The following CACNA1B variants were observed in gnomAD, a reference collection of about 807,000 sequenced individuals.
The protein encoded by CACNA1B is voltage-dependent N-type calcium channel subunit alpha-1B.
CACNA1B carries 70 observed loss-of-function variants against 247.2 expected under a neutral mutation model. The observed-to-expected ratio is 0.28, with a 90% CI of 0.23 to 0.35. The LOEUF (loss-of-function observed/expected upper bound fraction) is 0.35. Ranked by LOEUF, CACNA1B falls within the 10% of genes least tolerant of loss-of-function variation. The pLI is 1.00. For synonymous variants in CACNA1B, 1,231 were observed against 1,294.4 expected (o/e 0.95, Z 1.05); for missense variants, 2,367 against 3,197.4 (o/e 0.74, Z 6.26).
chr9:138,048,498 G>A (rs1347813164), intron 23 of CACNA1B, among the ~76,000 whole-genome samples: 1 of 152,206 alleles, frequency 6.6e-6, no homozygotes, highest in East Asian at 1.9e-4. Flanking sequence ...ATGGCATTGA[G>A]GTCCAAAGGC....
At chr9:137,981,074 A>G (rs977478484) in intron 12 of CACNA1B, among the ~76,000 whole-genome samples, 2 of 152,072 alleles carry the variant, frequency 1.3e-5, no homozygotes, top group African/African-American at 4.8e-5. Flanking sequence ...GAAATCTGCA[A>G]ACTGTTTTCC....
At position 138,074,156 on chromosome 9, in the gene CACNA1B, A is replaced by G. The variant is rs1278467945; in HGVS notation, c.4857+90A>G. 4.1e-5 allele frequency: 38 copies of G among 928,658 alleles called. No homozygotes were observed. The South Asian group carries it at 4.7e-4, about 11-fold the overall frequency. 57.5% of individuals were successfully genotyped at this position (928,658 alleles called of 1,614,324 possible). A position where few individuals can be genotyped will look rare whatever the true frequency, so the allele number is the denominator to read the frequency against. ...TGATCATGATTGTCAAATCATCGTC[A>G]TAATCAGTTGATCCTTAGTGAACAT... On this transcript the variant is annotated intron_variant, in intron 34 of 46. Transcript: ENST00000371372.
chr9:138,071,350 C>T (rs1960126188), intron 32 of CACNA1B, among the ~76,000 whole-genome samples: 1 of 152,224 alleles, frequency 6.6e-6, no homozygotes. Flanking sequence ...GCCATGGACT[C>T]AGTGAGGTTG....
chr9:137,879,258 C>T, intron 2 of CACNA1B, 99 bp downstream of exon 2: 4 of 772,412 alleles, frequency 5.2e-6, no homozygotes, highest in South Asian at 4.8e-5. Flanking sequence ...CGGGCAGGGT[C>T]GTCTGGGCAG....
intron 20 of CACNA1B, among the ~76,000 whole-genome samples, chr9:138,033,945 A>G (rs963991756): frequency 9.9e-5 from 15 of 152,276 alleles, no homozygotes; most frequent in Middle Eastern, 3.4e-3. Context: ...GAGTTGCCCC[A>G]TTATTGACAG....
rs1368938866 is a variant in CACNA1B at position 138,118,531 on chromosome 9, T to G, written c.5914-121T>G. On this transcript the variant is annotated intron_variant, in intron 43 of 46. Coordinates refer to ENST00000371372, the MANE Select transcript of CACNA1B (RefSeq NM_000718.4). ...GGGGACGTGTGAACAGCAGTGGGAGTTAGGTGAGACTGAGATGGATTTGGG... is the reference window on the plus strand; with the variant it reads ...GGGGACGTGTGAACAGCAGTGGGAGGTAGGTGAGACTGAGATGGATTTGGG... The G allele has an allele frequency of 3.9e-5, 23 of 595,358 alleles. 1 individual carries two copies. The highest frequency in any genetic ancestry group is 3.0e-5 in the East Asian group (1 of 33,348). 36.9% of individuals were successfully genotyped at this position (595,358 alleles called of 1,614,324 possible).
chr9:138,068,727 C>A lies in CACNA1B; in HGVS notation c.4669-1031C>A, dbSNP rs1186953445. ...GTGTGTGCCTCCTTTCCAAGAGGGG[C>A]GGGAACTGCTGACTGCTGAGAGGGC... On this transcript the variant is annotated intron_variant, in intron 31 of 46. Coordinates refer to ENST00000371372, the MANE Select transcript of CACNA1B (RefSeq NM_000718.4). 6.4e-6 allele frequency: 3 copies of A among 471,214 alleles called. No homozygotes were observed. In the Admixed American group the frequency reaches 6.7e-5, roughly 11 times the overall value. The allele number at this position is 471,214 out of a possible 1,614,324, so 29.2% of individuals were successfully genotyped here.
In CACNA1B at chr9:138,052,112, T is replaced by A; in HGVS notation, c.3731T>A (p.Ile1244Asn). 6.2e-7 allele frequency: 1 copy of A among 1,609,154 alleles called. No homozygotes were observed. ...TCTAGAGGATCCAAAGGGAAAGACA[T>A]CAATACCATCAAGTCTCTGAGAGTC... is the stretch of plus-strand genomic sequence containing the variant. ...FAFSGSKGKD[I>N]NTIKSLRVLR... The change falls in exon 25 of 47, where the codon ATC becomes AAC. Residue 1244 changes from isoleucine to asparagine, a missense_variant. Physicochemically the swap from Ile to Asn is moderately radical, Grantham distance 149 (BLOSUM62 -3). This residue lies in a region of CACNA1B where 436 missense variants were observed against 679.5 expected (regional missense o/e 0.64). Transcript: ENST00000371372. The surrounding 1 kb of genome is among the most constrained non-coding windows in gnomAD (Gnocchi z 5.1).
In CACNA1B at chr9:138,011,999, G is replaced by A. The variant is rs960993673; in HGVS notation, c.2161-1130G>A. On this transcript the variant is annotated intron_variant, in intron 17 of 46. Coordinates refer to ENST00000371372, the MANE Select transcript of CACNA1B (RefSeq NM_000718.4). The surrounding 1 kb of genome is among the most constrained non-coding windows in gnomAD (Gnocchi z 4.2). ...GGTCTCAGCCGAGAACTATTGATCCGGAACCCAGGTGCCGAGCATGTTGGT... is the reference window on the plus strand; with the variant it reads ...GGTCTCAGCCGAGAACTATTGATCCAGAACCCAGGTGCCGAGCATGTTGGT... Among the ~76,000 whole-genome samples the A allele has an allele frequency of 8.5e-5, 13 of 152,190 alleles. No individual in the cohort carries two copies. The highest frequency in any genetic ancestry group is 3.9e-4 in the Admixed American group (6 of 15,280).
rs568689511 is a variant in CACNA1B, at chr9:138,028,288, G to C, written c.3286+3116G>C. Among the ~76,000 whole-genome samples the C allele has an allele frequency of 3.3e-4, 50 of 152,212 alleles. 1 individual carries two copies. Among genetic ancestry groups the C allele is most frequent in the African/African-American group, 1.1e-3 (47 of 41,532 alleles). ...TCCACCTGTCTTGGCCTCCCGAAGT[G>C]CTGGGATTACAGGCGTGAGCCACCG... On this transcript the variant is annotated intron_variant, in intron 20 of 46. Coordinates refer to ENST00000371372, the MANE Select transcript of CACNA1B (RefSeq NM_000718.4).
intron 35 of CACNA1B, 91 bp from the exon 36 acceptor site, chr9:138,078,023 G>A (rs752821858): frequency 6.7e-5 from 78 of 1,160,908 alleles, no homozygotes; most frequent in Non-Finnish European, 9.2e-5. Context: ...GTGGGAAGGA[G>A]CCCAAAGGAG....
Position 137,957,619 on chromosome 9 carries a change from A to G in CACNA1B, c.1265A>G (p.Lys422Arg). 6.2e-7 allele frequency: 1 copy of G among 1,600,306 alleles called. No individual in the cohort carries two copies. Among genetic ancestry groups the G allele is most frequent in the Non-Finnish European group, 8.5e-7 (1 of 1,173,866 alleles). Residue 422 changes from lysine to arginine, a missense_variant, in exon 10 of 47, where the codon AAG becomes AGG. Around this residue, in one of 12 missense-constraint regions of CACNA1B, gnomAD observed 219 missense variants for 297.6 expected, o/e 0.74. Coordinates refer to ENST00000371372, the MANE Select transcript of CACNA1B (RefSeq NM_000718.4). The surrounding 1 kb of genome is among the most constrained non-coding windows in gnomAD (Gnocchi z 4.7). ...GCAGTGCTGAAGAGAGCGGCCACCA[A>G]GAAGAGCAGAAATGACCTGATCCAC... ...PLDVLKRAAT[K>R]KSRNDLIHAE...
Position 138,022,145 on chromosome 9 carries a change from C to T in CACNA1B, c.2268-866C>T, listed in dbSNP as rs531678981. 6.0e-4 allele frequency among the ~76,000 whole-genome samples: 91 copies of T among 152,292 alleles called. 1 individual carries two copies. Among genetic ancestry groups the T allele is most frequent in the African/African-American group, 1.8e-3 (74 of 41,566 alleles). ...CTTCGGTAGCCCATGCAGTGAGGGC[C>T]GAGCCTGGACCACTGGCCATCCCTG... On this transcript the variant is annotated intron_variant, in intron 18 of 46. Coordinates refer to ENST00000371372, the MANE Select transcript of CACNA1B (RefSeq NM_000718.4).
chr9:137,934,401 AT>A (rs1463690037), intron 6 of CACNA1B, among the ~76,000 whole-genome samples: 1 of 152,186 alleles, frequency 6.6e-6, no homozygotes, highest in Non-Finnish European at 1.5e-5. Context: ...CTGATTTCTC[AT>A]TTTGGAGATC....
intron 10 of CACNA1B, among the ~76,000 whole-genome samples, chr9:137,969,591 C>A (rs1958121168): frequency 6.6e-6 from 1 of 152,168 alleles, no homozygotes; most frequent in Admixed American, 6.5e-5. Flanking sequence ...TTACATGAGT[C>A]ACGTGTTCTC....
chr9:138,042,192 G>A (rs1393290315), intron 20 of CACNA1B, among the ~76,000 whole-genome samples: 1 of 152,228 alleles, frequency 6.6e-6, no homozygotes, highest in Admixed American at 6.5e-5. Flanking sequence ...ACACACGCCT[G>A]TAAGCCCAGC....
chr9:137,955,797 G>A lies in CACNA1B; in HGVS notation c.1170G>A (p.Glu390=). 6.2e-7 allele frequency: 1 copy of A among 1,608,946 alleles called. No homozygotes were observed. The highest frequency in any genetic ancestry group is 1.1e-5 in the South Asian group (1 of 90,198). Residue 390 remains glutamate (E), a synonymous_variant, in exon 8 of 47, where the codon GAG becomes GAA. Transcript: ENST00000371372. The surrounding 1 kb of genome is among the most constrained non-coding windows in gnomAD (Gnocchi z 6.9). ...QIERELNGYL[E]WIFKAEEVML... is the part of the protein sequence containing the mutation. Reference sequence around the variant, plus strand: ...AGCGAGAGCTCAACGGGTACCTGGAGTGGATCTTCAAGGCGGGTGAGGGCC... The same window carrying A: ...AGCGAGAGCTCAACGGGTACCTGGAATGGATCTTCAAGGCGGGTGAGGGCC...
intron 31 of CACNA1B, among the ~76,000 whole-genome samples, chr9:138,064,350 T>C (rs1349945130): frequency 2.0e-5 from 3 of 152,192 alleles, no homozygotes; most frequent in African/African-American, 4.8e-5. Flanking sequence ...TCTTGTGTTG[T>C]AGGATTCTTC....
chr9:137,879,801 A>G (rs1301491414), intron 2 of CACNA1B, among the ~76,000 whole-genome samples: 1 of 152,172 alleles, frequency 6.6e-6, no homozygotes, highest in African/African-American at 2.4e-5. Context: ...GGCAAGGTGG[A>G]AGGCCAGCCC....
Sources: gnomAD v4.1 joint callset for allele counts (sites outside exome capture counted in the v4.1 genomes callset) on GRCh38, gnomAD v4.1.1 for gene constraint, gnomAD v4.1.1 regional missense constraint, Gnocchi (gnomAD v3.1) non-coding constraint, MANE v1.5 for transcripts, NCBI Gene and HGNC (gene_info 2026-07-23, HGNC 2026-07-21) for gene names.